Variants in FARP2 observed in about 807,000 individuals in gnomAD.
The protein encoded by FARP2 is FERM, ARHGEF and pleckstrin domain-containing protein 2.
FARP2 carries 111 observed loss-of-function variants against 130.5 expected under a neutral mutation model. That is an observed-to-expected ratio of 0.85 (90% CI 0.73 to 1.00). FARP2 has a LOEUF of 1.00. Among genes scored for constraint, FARP2 ranks in the 50% least tolerant of loss-of-function variants. FARP2 has a pLI of 0.00. For synonymous variants in FARP2, 504 were observed against 516.9 expected, an observed-to-expected ratio of 0.98 and a Z score of 0.34; for missense variants, 1,385 against 1,346.3, an observed-to-expected ratio of 1.03 and a Z score of -0.45.
intron 13 of FARP2, chr2:241,442,231 T>G: frequency 2.2e-6 from 1 of 456,672 alleles, no homozygotes; most frequent in South Asian, 1.5e-5. Flanking sequence ...AGCCAGTCAA[T>G]CTGAGGCCAG....
chr2:241,380,654 G>A (rs2061639480), intron 2 of FARP2, among the ~76,000 whole-genome samples: 1 of 150,968 alleles, frequency 6.6e-6, no homozygotes, highest in Non-Finnish European at 1.5e-5. Context: ...GAATTTTGGA[G>A]CATTTCAGAT....
chr2:241,435,632 C>T lies in FARP2; in HGVS notation c.1100+602C>T, dbSNP rs796733634. On this transcript the variant is annotated intron_variant, in intron 11 of 26. Coordinates refer to ENST00000264042, the MANE Select transcript of FARP2 (RefSeq NM_014808.4). ...GTTCACACCATTCTTCTGCCTCAGC[C>T]TCCCGAGTAGCTGGGACTGCAGGCG... Among the ~76,000 whole-genome samples the T allele has an allele frequency of 4.6e-5, 7 of 151,566 alleles. No individual in the cohort carries two copies. The East Asian group carries it at 1.4e-3, about 30-fold the overall frequency.
chr2:241,400,454 C>G (rs565759873), intron 2 of FARP2, among the ~76,000 whole-genome samples: 2 of 152,274 alleles, frequency 1.3e-5, no homozygotes, highest in East Asian at 1.9e-4. Context: ...AACAAATAAA[C>G]GGGTCACAGT....
At chr2:241,408,555 A>C (rs2062427422) in intron 5 of FARP2, among the ~76,000 whole-genome samples, 3 of 148,600 alleles carry the variant, frequency 2.0e-5, no homozygotes, top group Admixed American at 2.0e-4. Context: ...AAAAAAAAAA[A>C]AGAAAATATT....
Position 241,434,170 on chromosome 2 carries a change from G to A in FARP2, c.880G>A (p.Asp294Asn), listed in dbSNP as rs770068341. ...LHPEVHGPYQ[D>N]TLEFLLGSRD... ...GTTTTGTTTCTAGGGACCTTACCAG[G>A]ACACATTAGAATTTTTGTTGGGTAG... The change falls in exon 10 of 27, where the codon GAC becomes AAC. Residue 294 changes from aspartate (D) to asparagine (N), a missense_variant. Asp to Asn is a conservative substitution (Grantham distance 23). Transcript: ENST00000264042. 3 of 1,610,252 alleles carry A rather than the reference G, an allele frequency of 1.9e-6. No individual in the cohort carries two copies. Among genetic ancestry groups the A allele is most frequent in the Non-Finnish European group, 2.5e-6 (3 of 1,178,294 alleles).
At chr2:241,408,786 T>G (rs971954300) in intron 5 of FARP2, among the ~76,000 whole-genome samples, 1 of 152,218 alleles carries the variant, frequency 6.6e-6, no homozygotes, top group Non-Finnish European at 1.5e-5. Flanking sequence ...AGATGTCTTA[T>G]GAACTCTCTT....
chr2:241,473,779 A>T (rs1337459737), intron 18 of FARP2, among the ~76,000 whole-genome samples: 2 of 152,134 alleles, frequency 1.3e-5, no homozygotes, highest in African/African-American at 4.8e-5. Flanking sequence ...GAGCCAGGGG[A>T]TGGGGGCAGG....
At chr2:241,421,986 A>C (rs963213329) in intron 8 of FARP2, among the ~76,000 whole-genome samples, 1 of 151,954 alleles carries the variant, frequency 6.6e-6, no homozygotes, top group Admixed American at 6.6e-5. Context: ...TCTACTAAAA[A>C]TACGAAAATT....
intron 13 of FARP2, among the ~76,000 whole-genome samples, chr2:241,453,621 C>CAAAA (rs555902009): frequency 7.7e-6 from 1 of 129,206 alleles, no homozygotes. Flanking sequence ...GACTCTGTCT[C>CAAAA]AAAAAAAAAA....
intron 2 of FARP2, among the ~76,000 whole-genome samples, chr2:241,378,367 G>A (rs991445172): frequency 7.5e-5 from 11 of 147,630 alleles, no homozygotes; most frequent in African/African-American, 2.3e-4. Context: ...TCCCCCCCTC[G>A]GCCTCCCAAA....
intron 1 of FARP2, among the ~76,000 whole-genome samples, chr2:241,365,447 A>G (rs2061282651): frequency 6.6e-6 from 1 of 152,230 alleles, no homozygotes; most frequent in Non-Finnish European, 1.5e-5. Flanking sequence ...TCTTAATATC[A>G]TCTGATGCTT....
intron 1 of FARP2, among the ~76,000 whole-genome samples, chr2:241,368,805 G>A (rs529538056): frequency 1.1e-4 from 17 of 152,188 alleles, no homozygotes; most frequent in Non-Finnish European, 1.8e-4. Context: ...CATAAGCTTA[G>A]TAATAAACTT....
Position 241,367,080 on chromosome 2 carries a change from G to T in FARP2, c.-24-6004G>T, listed in dbSNP as rs1479592663. Among the ~76,000 whole-genome samples the T allele has an allele frequency of 3.3e-5, 5 of 152,220 alleles. No homozygotes were observed. The South Asian group carries it at 6.2e-4, about 19-fold the overall frequency. ...CCCTTCCTGGTGTTTGAGGGACAGG[G>T]TTGCCCACATATGGATCCTCCTCAG... On this transcript the variant is annotated intron_variant, in intron 1 of 26. Transcript: ENST00000264042.
intron 24 of FARP2, 98 bp from the exon 25 acceptor site, chr2:241,492,831 G>T (rs2064976355): frequency 1.4e-6 from 1 of 712,406 alleles, no homozygotes; most frequent in East Asian, 2.5e-5. Context: ...GCCTCAGCTG[G>T]AGAAAGCATG....
At chr2:241,388,129 A>G (rs2061831557) in intron 2 of FARP2, among the ~76,000 whole-genome samples, 2 of 152,228 alleles carry the variant, frequency 1.3e-5, no homozygotes, top group African/African-American at 4.8e-5. Context: ...GCCAAAAACA[A>G]TCTCAGAAAA....
At chr2:241,461,328 G>A (rs1322454131) in intron 14 of FARP2, among the ~76,000 whole-genome samples, 2 of 147,736 alleles carry the variant, frequency 1.4e-5, no homozygotes, top group Non-Finnish European at 3.0e-5. Context: ...GAGGTCCACC[G>A]GCAGCCTCTC....
chr2:241,494,179 G>C lies in FARP2; in HGVS notation c.*54G>C. The C allele has an allele frequency of 1.7e-6, 2 of 1,154,320 alleles. No individual in the cohort carries two copies. The highest frequency in any genetic ancestry group is 2.4e-6 in the Non-Finnish European group (2 of 836,258). The allele number at this position is 1,154,320 out of a possible 1,614,324, so 71.5% of individuals were successfully genotyped here. On this transcript the variant is annotated 3_prime_UTR_variant, in exon 27 of 27. Transcript: ENST00000264042. The surrounding 1 kb of genome is among the most constrained non-coding windows in gnomAD (Gnocchi z 4.9). ...CTACAAAGAACAGCAGGACACAGAG[G>C]TGACCTCTGTCCTGAGGCTTCTCAA...
chr2:241,432,912 A>G (rs2063128239), intron 9 of FARP2, among the ~76,000 whole-genome samples: 1 of 152,202 alleles, frequency 6.6e-6, no homozygotes, highest in African/African-American at 2.4e-5. Context: ...GCCAGTCAGA[A>G]GAAAAGCTTT....
At chr2:241,366,135 A>ACATATATATATACGTATATATATG (rs2061314109) in intron 1 of FARP2, among the ~76,000 whole-genome samples, 1 of 140,788 alleles carries the variant, frequency 7.1e-6, no homozygotes, top group Non-Finnish European at 1.5e-5. Context: ...ATATATATAT[A>ACATATATATATACGTATATATATG]TATACACACA....
Sources: allele counts gnomAD v4.1 joint callset (sites outside exome capture counted in the v4.1 genomes callset), GRCh38; gene constraint gnomAD v4.1.1; non-coding constraint Gnocchi (gnomAD v3.1); transcripts MANE v1.5; gene names NCBI Gene and HGNC (gene_info 2026-07-23, HGNC 2026-07-21).